The following VWA3B variants were observed in gnomAD, a reference collection of about 807,000 sequenced individuals.
VWA3B encodes von Willebrand factor A domain-containing protein 3B.
VWA3B carries 138 observed loss-of-function variants against 158.3 expected under a neutral mutation model. The ratio of observed to expected loss-of-function variants is 0.87; its 90% CI spans 0.76 to 1.00. The LOEUF (loss-of-function observed/expected upper bound fraction) is 1.00. Among genes scored for constraint, VWA3B ranks in the 50% least tolerant of loss-of-function variants. The pLI is 0.00. For missense variants in VWA3B, 1,555 were observed against 1,565.1 expected, an observed-to-expected ratio of 0.99 and a Z score of 0.11; for synonymous variants, 596 against 587.3, an observed-to-expected ratio of 1.01 and a Z score of -0.21.
At chr2:98,184,102 A>G (rs919263365) in intron 9 of VWA3B, among the ~76,000 whole-genome samples, 9 of 152,116 alleles carry the variant, frequency 5.9e-5, no homozygotes, top group African/African-American at 1.7e-4. Context: ...GCAGGGTTTG[A>G]ACTTGGGTCC....
chr2:98,286,513 A>T (rs1236179925), intron 22 of VWA3B, among the ~76,000 whole-genome samples: 1 of 152,148 alleles, frequency 6.6e-6, no homozygotes, highest in African/African-American at 2.4e-5. Flanking sequence ...CCTTGCATTG[A>T]AATAACCATA....
the VWA3B span, among the ~76,000 whole-genome samples, chr2:98,329,860 C>T: frequency 5.3e-5 from 8 of 152,270 alleles, no homozygotes; most frequent in South Asian, 6.2e-4. Flanking sequence ...AGTTCCTGCC[C>T]GTGCCCAAGA....
chr2:98,260,663 C>CCTTGG (rs1687426713), intron 21 of VWA3B, among the ~76,000 whole-genome samples: 1 of 151,676 alleles, frequency 6.6e-6, no homozygotes, highest in African/African-American at 2.4e-5. Flanking sequence ...CTATACATAA[C>CCTTGG]TGTCTATGCC....
intron 21 of VWA3B, among the ~76,000 whole-genome samples, chr2:98,256,727 A>G (rs929901717): frequency 2.6e-5 from 4 of 152,164 alleles, no homozygotes; most frequent in South Asian, 4.1e-4. Context: ...TGCTTGTCAC[A>G]TGGTAATTCT....
chr2:98,217,934 A>C lies in VWA3B; in HGVS notation c.1925A>C (p.Asn642Thr). 6.2e-7 allele frequency: 1 copy of C among 1,613,682 alleles called. No individual in the cohort carries two copies. Among genetic ancestry groups the C allele is most frequent in the South Asian group, 1.1e-5 (1 of 91,030 alleles). ...TTCAATTACAATGATGAGATTGCAA[A>C]CAGGTTTTTGAAAGAGGTTGCTGCT... Reference protein sequence around the residue: ...ISFNYNDEIANRFLKEVAALT... With the variant: ...ISFNYNDEIATRFLKEVAALT... The change falls in exon 14 of 28, where the codon AAC (asparagine) becomes ACC (threonine). Residue 642 changes from asparagine (N) to threonine (T), a missense_variant. By Grantham distance (65) the Asn-to-Thr change is moderately conservative. Transcript: ENST00000477737.
intron 19 of VWA3B, among the ~76,000 whole-genome samples, chr2:98,238,597 T>C (rs1438156752): frequency 1.3e-5 from 2 of 151,790 alleles, no homozygotes; most frequent in African/African-American, 4.8e-5. Context: ...TATGGTAGGA[T>C]AGGGAAGCAG....
At chr2:98,183,189 C>CTT (rs1244544813) in intron 9 of VWA3B, among the ~76,000 whole-genome samples, 38 of 124,588 alleles carry the variant, frequency 3.1e-4, no homozygotes, top group African/African-American at 1.1e-3. Flanking sequence ...GTACAGCTCC[C>CTT]TTTTTTTTTT....
Position 98,312,385 on chromosome 2 carries a change from G to T in VWA3B, c.*36G>T, listed in dbSNP as rs1047186512. ...TGGCAGCTATGTTTAAGAGACCAGC[G>T]TCCTTCCAGGCTGTTCAGACCTCAG... On this transcript the variant is annotated 3_prime_UTR_variant, in exon 28 of 28. Transcript: ENST00000477737. 8.9e-6 allele frequency: 14 copies of T among 1,581,496 alleles called. 1 individual carries two copies. Among genetic ancestry groups the T allele is most frequent in the East Asian group, 4.5e-5 (2 of 44,510 alleles).
intron 2 of VWA3B, among the ~76,000 whole-genome samples, chr2:98,106,517 G>T (rs1023524201): frequency 6.6e-6 from 1 of 152,050 alleles, no homozygotes; most frequent in African/African-American, 2.4e-5. Context: ...TTCAGTTCAC[G>T]AATATGAAAT....
chr2:98,120,594 C>T (rs1016891797), intron 4 of VWA3B, among the ~76,000 whole-genome samples: 15 of 152,208 alleles, frequency 9.9e-5, no homozygotes, highest in African/African-American at 2.7e-4. Context: ...ACAGCAGACA[C>T]GAGTGTGAGC....
At chr2:98,278,498 G>A (rs1354097546) in intron 22 of VWA3B, among the ~76,000 whole-genome samples, 1 of 152,216 alleles carries the variant, frequency 6.6e-6, no homozygotes, top group African/African-American at 2.4e-5. Flanking sequence ...ATTGAAGATG[G>A]TAAATACAGG....
At chr2:98,139,801 A>G (rs1424041027) in intron 7 of VWA3B, among the ~76,000 whole-genome samples, 1 of 152,168 alleles carries the variant, frequency 6.6e-6, no homozygotes, top group Non-Finnish European at 1.5e-5. Context: ...GGGCCAGATA[A>G]GAGAATAAAA....
intron 2 of VWA3B, among the ~76,000 whole-genome samples, chr2:98,096,472 T>C (rs957731229): frequency 6.6e-6 from 1 of 152,176 alleles, no homozygotes; most frequent in Non-Finnish European, 1.5e-5. Flanking sequence ...TTTCACCATG[T>C]TGGTCAGGCT....
At chr2:98,089,235 A>T (rs1682097127) in intron 1 of VWA3B, among the ~76,000 whole-genome samples, 1 of 152,144 alleles carries the variant, frequency 6.6e-6, no homozygotes, top group African/African-American at 2.4e-5. Context: ...GCTGCGTATG[A>T]GGCCCTGTGC....
At chr2:98,191,938 C>A (rs557008798) in intron 10 of VWA3B, among the ~76,000 whole-genome samples, 3 of 152,216 alleles carry the variant, frequency 2.0e-5, no homozygotes, top group Non-Finnish European at 4.4e-5. Flanking sequence ...CTCCACCCCC[C>A]AGGCTTTGCT....
chr2:98,137,586 A>G (rs544892413), intron 7 of VWA3B, among the ~76,000 whole-genome samples: 45 of 152,202 alleles, frequency 3.0e-4, no homozygotes, highest in African/African-American at 1.1e-3. Context: ...CTATATATAT[A>G]TGTTTTTATT....
At chr2:98,129,838 T>C (rs1182578566) in intron 6 of VWA3B, among the ~76,000 whole-genome samples, 1 of 152,212 alleles carries the variant, frequency 6.6e-6, no homozygotes, top group Non-Finnish European at 1.5e-5. Flanking sequence ...GCACTTGTTC[T>C]TTAAATATTT....
At position 98,217,978 on chromosome 2, in the gene VWA3B, C is replaced by T. The variant is rs201374272; in HGVS notation, c.1969C>T (p.His657Tyr). ...TGCTGCTTTGACTGGAGGAGAGTTC[C>T]ATTTTTATAATTTTGGTTGCAAGGA... Reference protein sequence around the residue: ...EVAALTGGEFHFYNFGCKDPT... With the variant: ...EVAALTGGEFYFYNFGCKDPT... The change falls in exon 14 of 28, where the codon CAT becomes TAT. Residue 657 changes from histidine to tyrosine, a missense_variant. Coordinates refer to ENST00000477737, the MANE Select transcript of VWA3B (RefSeq NM_144992.5). The T allele has an allele frequency of 3.0e-5, 48 of 1,612,856 alleles. No homozygotes were observed. Among genetic ancestry groups the T allele is most frequent in the Non-Finnish European group, 8.5e-7 (1 of 1,179,580 alleles).
chr2:98,108,751 T>TC (rs1661683524), intron 2 of VWA3B, among the ~76,000 whole-genome samples: 1 of 152,054 alleles, frequency 6.6e-6, no homozygotes, highest in Non-Finnish European at 1.5e-5. Context: ...GAAGCAAATT[T>TC]CCTGTAGACA....
Sources: gnomAD v4.1 joint callset for allele counts (sites outside exome capture counted in the v4.1 genomes callset) on GRCh38, gnomAD v4.1.1 for gene constraint, MANE v1.5 for transcripts, NCBI Gene and HGNC (gene_info 2026-07-23, HGNC 2026-07-21) for gene names.